SAMMSON: variants seen among roughly 807,000 people sequenced by gnomAD.
SAMMSON encodes the protein long intergenic non-protein coding RNA 1212.
chr3:70,267,667 C>T (rs1268873741), intron 6 of SAMMSON, among the ~76,000 whole-genome samples: 1 of 150,972 alleles, frequency 6.6e-6, no homozygotes, highest in African/African-American at 2.4e-5. Context: ...CCGCCTGCCT[C>T]GGCCTCCCAG....
At chr3:70,164,736 A>T (rs1259128592) in intron 4 of SAMMSON, among the ~76,000 whole-genome samples, 1 of 152,070 alleles carries the variant, frequency 6.6e-6, no homozygotes, top group African/African-American at 2.4e-5. Context: ...ATAATAATAG[A>T]ACCTACCACA....
intron 2 of SAMMSON, among the ~76,000 whole-genome samples, chr3:70,397,986 T>C (rs73108564): frequency 0.019 from 2,966 of 152,310 alleles, 42 homozygotes; most frequent in Middle Eastern, 0.058. Flanking sequence ...AGTAGTTATG[T>C]ATTCTATTTT....
chr3:70,370,702 A>G (rs1226164265), intron 9 of SAMMSON, among the ~76,000 whole-genome samples: 1 of 151,988 alleles, frequency 6.6e-6, no homozygotes, highest in African/African-American at 2.4e-5. Flanking sequence ...AGTTCCTTGT[A>G]TATCCTGCAT....
At chr3:70,383,409 T>C (rs1195924715) in intron 9 of SAMMSON, among the ~76,000 whole-genome samples, 3 of 151,882 alleles carry the variant, frequency 2.0e-5, no homozygotes, top group African/African-American at 7.3e-5. Context: ...AAAAGTCATA[T>C]TAGAAAATAG....
chr3:70,015,626 A>G (rs150190390), intron 3 of SAMMSON, among the ~76,000 whole-genome samples: 7 of 152,264 alleles, frequency 4.6e-5, no homozygotes, highest in African/African-American at 1.7e-4. Flanking sequence ...CAGGTTTGTT[A>G]CATATGTATA....
At chr3:70,425,898 A>T (rs182039773) in intron 2 of SAMMSON, among the ~76,000 whole-genome samples, 31 of 152,326 alleles carry the variant, frequency 2.0e-4, no homozygotes, top group African/African-American at 7.5e-4. Flanking sequence ...TGCAACAGAG[A>T]TAAACATTTT....
intron 3 of SAMMSON, among the ~76,000 whole-genome samples, chr3:70,055,721 A>G (rs1444148971): frequency 6.6e-6 from 1 of 152,196 alleles, no homozygotes; most frequent in African/African-American, 2.4e-5. Flanking sequence ...GTGTTGTTGT[A>G]TGTTGGAAAA....
chr3:70,413,100 T>C (rs1701234767), intron 2 of SAMMSON, among the ~76,000 whole-genome samples: 1 of 152,074 alleles, frequency 6.6e-6, no homozygotes, highest in South Asian at 2.1e-4. Flanking sequence ...AAACTAGAAA[T>C]AAAGAAATCA....
intron 3 of SAMMSON, among the ~76,000 whole-genome samples, chr3:70,059,693 C>A (rs116467803): frequency 0.018 from 2,737 of 152,220 alleles, 25 homozygotes; most frequent in South Asian, 0.042. Context: ...TGGAAACACA[C>A]TCACAGACAC....
intron 3 of SAMMSON, chr3:70,068,414 C>G (rs1423926854): frequency 6.6e-6 from 1 of 152,078 alleles, no homozygotes; most frequent in Non-Finnish European, 1.5e-5. Context: ...TTGAAAATGA[C>G]ATGATCTATC....
At chr3:70,043,069 A>G (rs539998219) in intron 3 of SAMMSON, among the ~76,000 whole-genome samples, 172 of 152,284 alleles carry the variant, frequency 1.1e-3, no homozygotes, top group Non-Finnish European at 1.7e-3. Context: ...ACCCCAAGGA[A>G]GAATTTCTAT....
chr3:70,382,463 A>G (rs1355013636), intron 9 of SAMMSON, among the ~76,000 whole-genome samples: 1 of 152,160 alleles, frequency 6.6e-6, no homozygotes, highest in African/African-American at 2.4e-5. Flanking sequence ...TCTGGTTGCC[A>G]CAGCTGGCAG....
At chr3:70,109,911 A>T (rs2067381661) in intron 4 of SAMMSON, among the ~76,000 whole-genome samples, 2 of 152,214 alleles carry the variant, frequency 1.3e-5, no homozygotes, top group African/African-American at 4.8e-5. Flanking sequence ...TTATTGTGCA[A>T]CTGCTATTTC....
chr3:70,379,291 A>T (rs1703045558), intron 9 of SAMMSON, among the ~76,000 whole-genome samples: 1 of 152,096 alleles, frequency 6.6e-6, no homozygotes, highest in African/African-American at 2.4e-5. Context: ...TTACACTTTT[A>T]AAAAAATAAT....
intron 7 of SAMMSON, among the ~76,000 whole-genome samples, chr3:70,300,075 A>C (rs1470378580): frequency 6.6e-6 from 1 of 151,972 alleles, no homozygotes; most frequent in Non-Finnish European, 1.5e-5. Context: ...AGCCCAGCCA[A>C]ATTCCCCATT....
At chr3:70,048,699 A>G in intron 3 of SAMMSON, among the ~76,000 whole-genome samples, 1 of 152,078 alleles carries the variant, frequency 6.6e-6, no homozygotes, top group Non-Finnish European at 1.5e-5. Flanking sequence ...ACTTACCTTT[A>G]CTAACTTCTT....
intron 2 of SAMMSON, among the ~76,000 whole-genome samples, chr3:70,409,238 C>T (rs144679793): frequency 2.7e-3 from 412 of 152,116 alleles, no homozygotes; most frequent in Non-Finnish European, 4.7e-3. Flanking sequence ...TCATTGATAC[C>T]AACCATTATT....
At chr3:70,169,753 T>G in intron 4 of SAMMSON, among the ~76,000 whole-genome samples, 1 of 151,630 alleles carries the variant, frequency 6.6e-6, no homozygotes, top group Admixed American at 6.6e-5. Flanking sequence ...GATAATAAAT[T>G]TAGAGTTAGA....
At chr3:70,227,958 T>A (rs1356554454) in intron 4 of SAMMSON, among the ~76,000 whole-genome samples, 1 of 151,870 alleles carries the variant, frequency 6.6e-6, no homozygotes, top group Non-Finnish European at 1.5e-5. Context: ...GTGAATAGTA[T>A]AACATTCATA....
Sources: gnomAD v4.1 joint callset for allele counts (sites outside exome capture counted in the v4.1 genomes callset) on GRCh38, gnomAD v4.1.1 for gene constraint, MANE v1.5 for transcripts, NCBI Gene and HGNC (gene_info 2026-07-23, HGNC 2026-07-21) for gene names.